NAPEPLD: variants seen among roughly 807,000 people sequenced by gnomAD.
NAPEPLD encodes N-acyl-phosphatidylethanolamine-hydrolyzing phospholipase D.
In NAPEPLD, 23 loss-of-function variants were observed where a neutral mutation model predicts 38.1. The ratio of observed to expected loss-of-function variants is 0.60; its 90% CI spans 0.43 to 0.86. The LOEUF is 0.86. Among genes scored for constraint, NAPEPLD ranks in the 40% least tolerant of loss-of-function variants. The pLI is 0.00. For missense variants in NAPEPLD, 411 were observed against 476.8 expected (o/e 0.86, Z 1.28); for synonymous variants, 147 against 162.0 (o/e 0.91, Z 0.71).
chr7:103,124,783 T>C (rs1387761167), intron 2 of NAPEPLD, among the ~76,000 whole-genome samples: 2 of 152,234 alleles, frequency 1.3e-5, no homozygotes, highest in Non-Finnish European at 2.9e-5. Flanking sequence ...ATTTTACAGA[T>C]GACCAGACCA....
Position 103,103,423 on chromosome 7 carries a change from C to A in NAPEPLD, c.*6G>T, listed in dbSNP as rs769823975. The A allele has an allele frequency of 1.3e-6, 2 of 1,549,600 alleles. No homozygotes were observed. The highest frequency in any genetic ancestry group is 1.3e-5 in the South Asian group (1 of 79,250). The stretch of plus-strand genomic sequence containing the variant: ...TTTTCATTAAAAGTGCCTGTGCTCA[C>A]ATTTATTAAAAGTTTTCATCATCAT... On this transcript the variant is annotated 3_prime_UTR_variant, in exon 5 of 5. Transcript: ENST00000465647.
intron 2 of NAPEPLD, among the ~76,000 whole-genome samples, chr7:103,124,831 T>C (rs904953485): frequency 6.6e-6 from 1 of 152,180 alleles, no homozygotes; most frequent in African/African-American, 2.4e-5. Flanking sequence ...GCCAAAGTCA[T>C]GCAAGAGGTA....
intron 2 of NAPEPLD, among the ~76,000 whole-genome samples, chr7:103,126,089 G>A (rs992194566): frequency 2.6e-5 from 4 of 152,116 alleles, no homozygotes; most frequent in South Asian, 2.1e-4. Context: ...ACTAGAGCCC[G>A]GGAGTTTGAG....
chr7:103,128,883 T>C (rs1808372568), intron 1 of NAPEPLD, 91 bp from the exon 2 acceptor site: 6 of 1,321,844 alleles, frequency 4.5e-6, no homozygotes, highest in Non-Finnish European at 6.1e-6. Context: ...TAAAAATTTC[T>C]CTAAACTTAT....
chr7:103,109,145 CTT>C (rs1194010543), intron 4 of NAPEPLD, among the ~76,000 whole-genome samples: 15 of 152,128 alleles, frequency 9.9e-5, no homozygotes, highest in African/African-American at 3.4e-4. Context: ...TAGTGGAAGA[CTT>C]TAACACCACA....
intron 4 of NAPEPLD, among the ~76,000 whole-genome samples, chr7:103,105,134 A>G (rs931123090): frequency 6.6e-6 from 1 of 152,216 alleles, no homozygotes; most frequent in Non-Finnish European, 1.5e-5. Flanking sequence ...CCCTGGAGGT[A>G]GGTCTGAAAG....
chr7:103,136,159 C>G (rs553350859), intron 1 of NAPEPLD, among the ~76,000 whole-genome samples: 29 of 151,442 alleles, frequency 1.9e-4, no homozygotes, highest in African/African-American at 6.8e-4. Context: ...CCCAGCTACT[C>G]GGGAGGTTGA....
At chr7:103,130,453 T>C (rs1808702047) in intron 1 of NAPEPLD, among the ~76,000 whole-genome samples, 1 of 152,210 alleles carries the variant, frequency 6.6e-6, no homozygotes, top group East Asian at 1.9e-4. Flanking sequence ...TCATCCTCCA[T>C]TTTCTCCTGG....
chr7:103,117,603 G>A (rs1805820320), intron 3 of NAPEPLD, among the ~76,000 whole-genome samples: 1 of 152,146 alleles, frequency 6.6e-6, no homozygotes, highest in Non-Finnish European at 1.5e-5. Flanking sequence ...GCACTCTCAA[G>A]TGTTATTCAA....
intron 1 of NAPEPLD, among the ~76,000 whole-genome samples, chr7:103,129,661 A>G (rs1808521434): frequency 6.6e-6 from 1 of 152,234 alleles, no homozygotes; most frequent in Non-Finnish European, 1.5e-5. Context: ...TCAATAATGT[A>G]TTTAACTGAT....
At position 103,103,094 on chromosome 7, in the gene NAPEPLD, TC is replaced by T. The variant is rs901496126; in HGVS notation, c.*334del. Reference sequence around the variant, plus strand: ...GAATGGAAAAAAGAAAAATGAATCTTCAATATCGGTTTTTCACCTCAGGAAA... The same window carrying T: ...GAATGGAAAAAAGAAAAATGAATCTTAATATCGGTTTTTCACCTCAGGAAA... On this transcript the variant is annotated 3_prime_UTR_variant, in exon 5 of 5. Coordinates refer to ENST00000465647, the MANE Select transcript of NAPEPLD (RefSeq NM_001122838.3). The T allele has an allele frequency of 6.2e-6, 1 of 161,908 alleles. No individual in the cohort carries two copies. Among genetic ancestry groups the T allele is most frequent in the Admixed American group, 6.5e-5 (1 of 15,492 alleles). 10.0% of individuals were successfully genotyped at this position (161,908 alleles called of 1,614,324 possible).
intron 1 of NAPEPLD, among the ~76,000 whole-genome samples, chr7:103,139,197 A>C (rs1810702501): frequency 6.6e-6 from 1 of 152,234 alleles, no homozygotes; most frequent in African/African-American, 2.4e-5. Flanking sequence ...ATTACCTGTA[A>C]GGGCTTCTAC....
At chr7:103,113,068 A>C (rs1804849594) in intron 4 of NAPEPLD, among the ~76,000 whole-genome samples, 1 of 152,216 alleles carries the variant, frequency 6.6e-6, no homozygotes, top group Non-Finnish European at 1.5e-5. Flanking sequence ...AAAATCTAGG[A>C]GTCAACCTTG....
rs2129525722 is a variant in NAPEPLD, at chr7:103,102,674, CTAGGAAAAAAAGAATA to C, written c.*739_*754del. The stretch of plus-strand genomic sequence containing the variant: ...TACTGTTCCCTCTCATCTGAAGGCT[CTAGGAAAAAAAGAATA>C]TACTGTTCTTTTAAAAATTTAAGTG... On this transcript the variant is annotated 3_prime_UTR_variant, in exon 5 of 5. Transcript: ENST00000465647. 1 of 151,948 alleles carries C rather than the reference CTAGGAAAAAAAGAATA, an allele frequency of 6.6e-6. No individual in the cohort carries two copies. The highest frequency in any genetic ancestry group is 2.1e-4 in the South Asian group (1 of 4,812). The allele number at this position is 151,948 out of a possible 1,614,324, so 9.4% of individuals were successfully genotyped here. A position where few individuals can be genotyped will look rare whatever the true frequency, so the allele number is the denominator to read the frequency against.
intron 2 of NAPEPLD, chr7:103,126,712 T>G (rs2129529961): frequency 6.6e-6 from 1 of 152,254 alleles, no homozygotes; most frequent in South Asian, 2.1e-4. Context: ...GCTCAGGTGA[T>G]TCTCCTGCCT....
intron 1 of NAPEPLD, among the ~76,000 whole-genome samples, chr7:103,145,887 TA>T (rs61183926): frequency 0.63 from 92,971 of 148,546 alleles, 30,424 homozygotes; most frequent in Middle Eastern, 0.78. Flanking sequence ...GCTTCAAGTT[TA>T]AAAAAAAAAA....
intron 4 of NAPEPLD, among the ~76,000 whole-genome samples, chr7:103,111,186 A>G (rs986643094): frequency 2.6e-5 from 4 of 152,224 alleles, no homozygotes; most frequent in Non-Finnish European, 5.9e-5. Flanking sequence ...CATACTGCCC[A>G]AAGTAATTTA....
chr7:103,104,023 TCA>T (rs1302979330), intron 4 of NAPEPLD, among the ~76,000 whole-genome samples: 3 of 152,086 alleles, frequency 2.0e-5, no homozygotes, highest in Non-Finnish European at 4.4e-5. Context: ...AAAAGTCTAG[TCA>T]CATACAGAAA....
chr7:103,149,798 ATG>A (rs1813344717), upstream of NAPEPLD, among the ~76,000 whole-genome samples: 1 of 152,224 alleles, frequency 6.6e-6, no homozygotes, highest in Non-Finnish European at 1.5e-5. Flanking sequence ...CTAAAACTAA[ATG>A]GGATCCTGCA....
Sources: gnomAD v4.1 joint callset for allele counts (sites outside exome capture counted in the v4.1 genomes callset) on GRCh38, gnomAD v4.1.1 for gene constraint, MANE v1.5 for transcripts, NCBI Gene and HGNC (gene_info 2026-07-23, HGNC 2026-07-21) for gene names.